GRM8: variants seen among roughly 807,000 people sequenced by gnomAD.
GRM8 encodes glutamate metabotropic receptor 8.
GRM8 carries 47 observed loss-of-function variants against 87.2 expected under a neutral mutation model. The ratio of observed to expected loss-of-function variants is 0.54; its 90% CI spans 0.43 to 0.69. The LOEUF (loss-of-function observed/expected upper bound fraction) is 0.69. Ranked by LOEUF, GRM8 falls within the 30% of genes least tolerant of loss-of-function variation. The pLI is 0.00. For missense variants in GRM8, 1,019 were observed against 1,139.2 expected (o/e 0.89, Z 1.52); for synonymous variants, 396 against 404.5 (o/e 0.98, Z 0.25).
At chr7:126,661,975 T>C (rs1329877890) in intron 7 of GRM8, among the ~76,000 whole-genome samples, 1 of 152,166 alleles carries the variant, frequency 6.6e-6, no homozygotes, top group East Asian at 1.9e-4. Context: ...TATGATTTGA[T>C]ACATGACTAA....
chr7:126,820,668 C>G (rs1381737495), intron 6 of GRM8, among the ~76,000 whole-genome samples: 1 of 152,226 alleles, frequency 6.6e-6, no homozygotes, highest in Non-Finnish European at 1.5e-5. Context: ...TGGACATCCT[C>G]TACATGTTCT....
At chr7:126,966,068 T>C (rs138400851) in intron 3 of GRM8, among the ~76,000 whole-genome samples, 1 of 152,100 alleles carries the variant, frequency 6.6e-6, no homozygotes, top group Admixed American at 6.6e-5. Flanking sequence ...AGCCAAAATA[T>C]ATCTCCATAA....
intron 7 of GRM8, among the ~76,000 whole-genome samples, chr7:126,732,544 A>G (rs757923759): frequency 6.6e-6 from 1 of 152,142 alleles, no homozygotes; most frequent in Non-Finnish European, 1.5e-5. Context: ...AGAAGAAAAC[A>G]TATTTTTCCT....
chr7:126,704,594 T>C (rs967890936), intron 7 of GRM8, among the ~76,000 whole-genome samples: 6 of 152,154 alleles, frequency 3.9e-5, no homozygotes, highest in African/African-American at 1.4e-4. Context: ...TGAATTCTTT[T>C]TCTCAGCAAG....
intron 9 of GRM8, among the ~76,000 whole-genome samples, chr7:126,503,489 G>A (rs940046003): frequency 6.6e-6 from 1 of 151,964 alleles, no homozygotes; most frequent in Non-Finnish European, 1.5e-5. Flanking sequence ...AATCTGGCAA[G>A]CCTTTTTTTC....
intron 7 of GRM8, among the ~76,000 whole-genome samples, chr7:126,701,286 G>A (rs986603620): frequency 2.6e-5 from 4 of 152,112 alleles, no homozygotes; most frequent in South Asian, 2.1e-4. Flanking sequence ...CATCCTGCAC[G>A]CTGGAGCACA....
At chr7:126,596,101 G>A (rs942200169) in intron 8 of GRM8, among the ~76,000 whole-genome samples, 4 of 152,172 alleles carry the variant, frequency 2.6e-5, no homozygotes, top group African/African-American at 9.6e-5. Context: ...TCCAGAGTGG[G>A]TAACAGAGTG....
chr7:126,504,393 A>G (rs1272166008), intron 9 of GRM8, among the ~76,000 whole-genome samples: 1 of 151,962 alleles, frequency 6.6e-6, no homozygotes, highest in Non-Finnish European at 1.5e-5. Context: ...GAAAACATGG[A>G]CTTTTTCTAC....
chr7:127,245,263 C>T (rs747528479), intron 1 of GRM8, among the ~76,000 whole-genome samples: 1 of 152,218 alleles, frequency 6.6e-6, no homozygotes, highest in Admixed American at 6.5e-5. Context: ...ACCTCATTAA[C>T]TCTGATCACT....
chr7:127,080,208 G>C (rs1419731500), intron 3 of GRM8, among the ~76,000 whole-genome samples: 1 of 152,108 alleles, frequency 6.6e-6, no homozygotes, highest in African/African-American at 2.4e-5. Flanking sequence ...AAAAAGACTC[G>C]CTTGATCATT....
chr7:126,871,172 A>C (rs141382667), intron 6 of GRM8, among the ~76,000 whole-genome samples: 1 of 152,194 alleles, frequency 6.6e-6, no homozygotes. Context: ...ACACAAGTCC[A>C]TGTTCACTCA....
intron 8 of GRM8, among the ~76,000 whole-genome samples, chr7:126,543,570 G>A (rs1025615847): frequency 6.6e-6 from 1 of 152,002 alleles, no homozygotes; most frequent in Non-Finnish European, 1.5e-5. Flanking sequence ...ATAGGTAGTG[G>A]TATCCTTCAC....
chr7:127,030,681 A>G (rs1817277990), intron 3 of GRM8, among the ~76,000 whole-genome samples: 1 of 152,154 alleles, frequency 6.6e-6, no homozygotes, highest in Admixed American at 6.6e-5. Flanking sequence ...CTACATCCTA[A>G]TGAAACCCAT....
chr7:126,533,481 G>A lies in GRM8; in HGVS notation c.1901C>T (p.Ser634Leu). The change falls in exon 9 of 11, where the codon TCA (serine) becomes TTA (leucine). Residue 634 changes from serine (S) to leucine (L), a missense_variant. Coordinates refer to ENST00000339582, the MANE Select transcript of GRM8 (RefSeq NM_000845.3). ...TGCTGCAATCATTAAAAACGTGATT[G>A]AATAACAGAGAAAAATCCCCGTTAG... ...VLLTGIFLCY[S>L]ITFLMIAAPD... 6.2e-7 allele frequency: 1 copy of A among 1,614,034 alleles called. No homozygotes were observed.
At chr7:127,168,656 C>T (rs1177079422) in intron 2 of GRM8, among the ~76,000 whole-genome samples, 1 of 152,154 alleles carries the variant, frequency 6.6e-6, no homozygotes, top group Non-Finnish European at 1.5e-5. Flanking sequence ...GACACATATA[C>T]ACCATGGAAT....
chr7:126,606,677 A>T (rs972014135), intron 8 of GRM8, among the ~76,000 whole-genome samples: 4 of 152,202 alleles, frequency 2.6e-5, no homozygotes, highest in African/African-American at 9.6e-5. Flanking sequence ...TTCTTCTAAG[A>T]GATGCATTTT....
At chr7:126,806,442 C>G (rs1160578643) in intron 6 of GRM8, among the ~76,000 whole-genome samples, 3 of 152,208 alleles carry the variant, frequency 2.0e-5, no homozygotes, top group African/African-American at 7.2e-5. Flanking sequence ...CAGAAGAGGA[C>G]CCGAGTGCAT....
intron 8 of GRM8, among the ~76,000 whole-genome samples, chr7:126,578,988 T>G (rs1191998294): frequency 1.3e-5 from 2 of 152,174 alleles, no homozygotes; most frequent in Non-Finnish European, 2.9e-5. Context: ...CTACTCTGTG[T>G]GCCAGTAATA....
At chr7:127,165,040 T>C (rs1278644460) in intron 2 of GRM8, among the ~76,000 whole-genome samples, 1 of 150,590 alleles carries the variant, frequency 6.6e-6, no homozygotes, top group Non-Finnish European at 1.5e-5. Context: ...ATATACCTGG[T>C]TTTTTCTAAG....
Sources: gnomAD v4.1 joint callset for allele counts (sites outside exome capture counted in the v4.1 genomes callset) on GRCh38, gnomAD v4.1.1 for gene constraint, MANE v1.5 for transcripts, NCBI Gene and HGNC (gene_info 2026-07-23, HGNC 2026-07-21) for gene names.